Variants in CDK8 observed in about 807,000 individuals in gnomAD.
CDK8 encodes cyclin dependent kinase 8.
In CDK8, 29 loss-of-function variants were observed where a neutral mutation model predicts 71.5. The observed-to-expected ratio is 0.41, with a 90% CI of 0.30 to 0.55. The LOEUF (loss-of-function observed/expected upper bound fraction) is 0.55. Ranked by LOEUF, CDK8 falls within the 20% of genes least tolerant of loss-of-function variation. The pLI, the probability that CDK8 is intolerant of heterozygous loss-of-function variation, is 0.37. For missense variants in CDK8, 288 were observed against 572.6 expected (o/e 0.50, Z 5.07); for synonymous variants, 161 against 192.1 (o/e 0.84, Z 1.34).
At chr13:26,314,604 G>A (rs1874427701) in intron 1 of CDK8, among the ~76,000 whole-genome samples, 1 of 152,160 alleles carries the variant, frequency 6.6e-6, no homozygotes, top group Non-Finnish European at 1.5e-5. Flanking sequence ...TTCATCTTGA[G>A]ATTGTAATAA....
At chr13:26,271,541 C>G (rs1228035459) in intron 1 of CDK8, among the ~76,000 whole-genome samples, 3 of 152,090 alleles carry the variant, frequency 2.0e-5, no homozygotes, top group Admixed American at 1.3e-4. Flanking sequence ...TACAGTGACT[C>G]ATGGTTGCAA....
Position 26,254,594 on chromosome 13 carries a change from T to TG in CDK8, c.-47dup. On this transcript the variant is annotated 5_prime_UTR_variant, in exon 1 of 13. Coordinates refer to ENST00000381527, the MANE Select transcript of CDK8 (RefSeq NM_001260.3). The surrounding 1 kb of genome is among the most constrained non-coding windows in gnomAD (Gnocchi z 6.7). ...CCCGTGCTTCCCCGGTCCCCACCCCTGCCCCCCGGCCCCCCGACCCAGCTC... is the reference window on the plus strand; with the variant it reads ...CCCGTGCTTCCCCGGTCCCCACCCCTGGCCCCCCGGCCCCCCGACCCAGCTC... The TG allele has an allele frequency of 4.4e-6, 3 of 685,266 alleles. No individual in the cohort carries two copies. The highest frequency in any genetic ancestry group is 7.0e-6 in the Non-Finnish European group (3 of 427,154). 42.4% of individuals were successfully genotyped at this position (685,266 alleles called of 1,614,324 possible).
chr13:26,266,180 G>A (rs576601572), intron 1 of CDK8, among the ~76,000 whole-genome samples: 2 of 152,302 alleles, frequency 1.3e-5, no homozygotes, highest in African/African-American at 2.4e-5. Context: ...GCTTTGATAT[G>A]TTGACTTTCA....
intron 3 of CDK8, among the ~76,000 whole-genome samples, chr13:26,351,675 A>G (rs1352633741): frequency 1.3e-5 from 2 of 152,210 alleles, no homozygotes; most frequent in Non-Finnish European, 2.9e-5. Context: ...TACAGTGCAT[A>G]TAACTAGTTC....
chr13:26,283,261 T>C (rs1324944956), intron 1 of CDK8, among the ~76,000 whole-genome samples: 2 of 152,196 alleles, frequency 1.3e-5, no homozygotes, highest in Non-Finnish European at 2.9e-5. Context: ...TGTCAGCACA[T>C]GGAACATTCT....
At chr13:26,346,115 G>C (rs569237984) in intron 2 of CDK8, among the ~76,000 whole-genome samples, 7 of 152,156 alleles carry the variant, frequency 4.6e-5, no homozygotes, top group Non-Finnish European at 8.8e-5. Flanking sequence ...ATTAATTGCT[G>C]GTTCTACCAC....
At chr13:26,320,063 A>G (rs1386820195) in intron 1 of CDK8, among the ~76,000 whole-genome samples, 1 of 152,138 alleles carries the variant, frequency 6.6e-6, no homozygotes, top group Non-Finnish European at 1.5e-5. Flanking sequence ...ATATACAAAA[A>G]TTACCTTAAA....
chr13:26,272,194 A>G (rs186766546), intron 1 of CDK8, among the ~76,000 whole-genome samples: 408 of 151,974 alleles, frequency 2.7e-3, no homozygotes, highest in Non-Finnish European at 4.4e-3. Flanking sequence ...GCTTTTTTCT[A>G]TTTTTAAAAG....
At chr13:26,365,090 C>T (rs1874325732) in intron 4 of CDK8, among the ~76,000 whole-genome samples, 2 of 152,126 alleles carry the variant, frequency 1.3e-5, no homozygotes, top group Admixed American at 6.5e-5. Context: ...TTGTTGGGAA[C>T]TCCAAGGATT....
chr13:26,336,703 G>A lies in CDK8; in HGVS notation c.129-864G>A, dbSNP rs374791776. 2.8e-3 allele frequency among the ~76,000 whole-genome samples: 419 copies of A among 152,112 alleles called. 1 individual carries two copies. Among genetic ancestry groups the A allele is most frequent in the African/African-American group, 9.2e-3 (381 of 41,518 alleles). ...CGAGTAGCTGGGACTACAGGCGCCCGCCACCACACCCGGCTAATTGTTTTG... is the reference window on the plus strand; with the variant it reads ...CGAGTAGCTGGGACTACAGGCGCCCACCACCACACCCGGCTAATTGTTTTG... On this transcript the variant is annotated intron_variant, in intron 1 of 12. Transcript: ENST00000381527.
At chr13:26,326,692 A>G (rs1279440626) in intron 1 of CDK8, among the ~76,000 whole-genome samples, 2 of 152,296 alleles carry the variant, frequency 1.3e-5, no homozygotes, top group Middle Eastern at 3.4e-3. Flanking sequence ...TTGCGATGCT[A>G]TAATTCAGAG....
rs543773797 is a variant in CDK8, at chr13:26,283,381, G to A, written c.128+28612G>A. On this transcript the variant is annotated intron_variant, in intron 1 of 12. Transcript: ENST00000381527. ...TTCCACCACTTTGGGAGGCCGAGGC[G>A]GGCGGATCACAAGGTTAGGAGATCG... is the stretch of plus-strand genomic sequence containing the variant. Among the ~76,000 whole-genome samples the A allele has an allele frequency of 6.6e-5, 10 of 152,256 alleles. No homozygotes were observed. The South Asian group carries it at 8.3e-4, about 13-fold the overall frequency.
chr13:26,321,494 A>G (rs1053325669), intron 1 of CDK8, among the ~76,000 whole-genome samples: 22 of 152,020 alleles, frequency 1.4e-4, no homozygotes, highest in Admixed American at 1.3e-4. Flanking sequence ...GGTATTTAAT[A>G]CCTTTGAACT....
chr13:26,317,442 G>A (rs1874562249), intron 1 of CDK8, among the ~76,000 whole-genome samples: 1 of 152,056 alleles, frequency 6.6e-6, no homozygotes, highest in South Asian at 2.1e-4. Flanking sequence ...AAACTAACTA[G>A]ATCTAAAAGA....
intron 2 of CDK8, among the ~76,000 whole-genome samples, chr13:26,338,936 A>G (rs1284316600): frequency 6.7e-6 from 1 of 150,240 alleles, no homozygotes; most frequent in Non-Finnish European, 1.5e-5. Context: ...TATTGTTCAC[A>G]TGCTTTTCTC....
intron 1 of CDK8, among the ~76,000 whole-genome samples, chr13:26,335,265 C>G (rs1872928646): frequency 1.3e-5 from 2 of 152,194 alleles, no homozygotes; most frequent in South Asian, 2.1e-4. Context: ...CCATTTTTGC[C>G]TACTCCACTA....
intron 1 of CDK8, among the ~76,000 whole-genome samples, chr13:26,303,767 T>A (rs767807497): frequency 6.6e-6 from 1 of 152,202 alleles, no homozygotes; most frequent in African/African-American, 2.4e-5. Flanking sequence ...AAAAATCATG[T>A]GTACTCTGCA....
chr13:26,333,430 A>G (rs1223718717), intron 1 of CDK8, among the ~76,000 whole-genome samples: 3 of 152,090 alleles, frequency 2.0e-5, no homozygotes, highest in Non-Finnish European at 4.4e-5. Context: ...GTGAGCCACC[A>G]CACCCGGCTG....
At chr13:26,366,705 T>A (rs1341022043) in intron 4 of CDK8, among the ~76,000 whole-genome samples, 1 of 152,180 alleles carries the variant, frequency 6.6e-6, no homozygotes, top group African/African-American at 2.4e-5. Context: ...CTATTCTAAT[T>A]TCCAGTCTTT....
Sources: allele counts gnomAD v4.1 joint callset (sites outside exome capture counted in the v4.1 genomes callset), GRCh38; gene constraint gnomAD v4.1.1; non-coding constraint Gnocchi (gnomAD v3.1); transcripts MANE v1.5; gene names NCBI Gene and HGNC (gene_info 2026-07-23, HGNC 2026-07-21).